Variants in PURG observed in about 807,000 individuals in gnomAD.
PURG encodes the protein purine-rich element-binding protein gamma.
In PURG, 3 loss-of-function variants were observed where a neutral mutation model predicts 24.3. The ratio of observed to expected loss-of-function variants is 0.12; its 90% CI spans 0.06 to 0.32. PURG has a LOEUF of 0.32. Among genes scored for constraint, PURG ranks in the 10% least tolerant of loss-of-function variants. The pLI, the probability that PURG is intolerant of heterozygous loss-of-function variation, is 1.00. For missense variants in PURG, 371 were observed against 439.1 expected (o/e 0.84, Z 1.39); for synonymous variants, 180 against 173.1 (o/e 1.04, Z -0.31).
intron 1 of PURG, among the ~76,000 whole-genome samples, chr8:31,004,183 T>G (rs1251017536): frequency 6.6e-6 from 1 of 152,156 alleles, no homozygotes; most frequent in Non-Finnish European, 1.5e-5. Context: ...AGAAGAAAAA[T>G]GCAATCTGGA....
rs1407873553 is a variant in PURG, at chr8:31,031,751, T to C, written c.1032A>G (p.Glu344=). ...GTTCAATTTCACTCTAGTCGAGGCA[T>C]TCTTGTTCTTCACCACTGGCCTTTC... ...DGRKASGEEQ[E]CLD is the part of the protein sequence containing the mutation. The change falls in exon 2 of 2, where the codon GAA becomes GAG. Residue 344 remains glutamate, a synonymous_variant. Transcript: ENST00000523392. The C allele has an allele frequency of 3.2e-6, 5 of 1,549,414 alleles. No homozygotes were observed. In the South Asian group the frequency reaches 3.6e-5, roughly 11 times the overall value.
At chr8:31,005,763 TC>T (rs1810632708) in intron 1 of PURG, among the ~76,000 whole-genome samples, 1 of 80,832 alleles carries the variant, frequency 1.2e-5, no homozygotes, top group Non-Finnish European at 2.5e-5. Context: ...TTAGCATTTT[TC>T]TTTTTTCTTT....
At chr8:31,015,649 C>T (rs1332903655) in intron 1 of PURG, among the ~76,000 whole-genome samples, 1 of 152,088 alleles carries the variant, frequency 6.6e-6, no homozygotes, top group Non-Finnish European at 1.5e-5. Context: ...GTTTAGGAGG[C>T]GGGTGAGAAA....
At chr8:31,019,640 CTT>C (rs1563308200) in intron 1 of PURG, among the ~76,000 whole-genome samples, 1 of 150,272 alleles carries the variant, frequency 6.7e-6, no homozygotes, top group Non-Finnish European at 1.5e-5. Flanking sequence ...GCCAATATCT[CTT>C]TTTTCTTTTT....
rs535054008 is a variant in PURG at position 30,997,597 on chromosome 8, G to C, written c.865-900C>G. Among the ~76,000 whole-genome samples, 8 of 151,596 alleles carry C rather than the reference G, an allele frequency of 5.3e-5. No individual in the cohort carries two copies. In the East Asian group the frequency reaches 5.8e-4, roughly 11 times the overall value. ...TAGAGATGGAAAAATGGCCACCACA[G>C]AGAATGACTTAAAGATAAGTAAACT... On this transcript the variant is annotated intron_variant, in intron 1 of 1. Transcript: ENST00000339382.
intron 1 of PURG, among the ~76,000 whole-genome samples, chr8:31,001,385 AT>A (rs1810532625): frequency 6.6e-6 from 1 of 152,218 alleles, no homozygotes; most frequent in African/African-American, 2.4e-5. Flanking sequence ...ACAACTAATT[AT>A]AACAGTTATT....
chr8:31,003,209 T>C (rs962914273), intron 1 of PURG, among the ~76,000 whole-genome samples: 6 of 152,142 alleles, frequency 3.9e-5, no homozygotes, highest in Non-Finnish European at 8.8e-5. Flanking sequence ...TAAAACAACT[T>C]AGGAACCTGA....
intron 1 of PURG, among the ~76,000 whole-genome samples, chr8:31,000,745 T>C (rs1810521691): frequency 6.6e-6 from 1 of 152,214 alleles, no homozygotes; most frequent in Non-Finnish European, 1.5e-5. Context: ...AGAATGACTA[T>C]ATAGAAGCAT....
chr8:31,023,290 GA>G (rs1196337806), intron 1 of PURG, among the ~76,000 whole-genome samples: 1 of 152,144 alleles, frequency 6.6e-6, no homozygotes, highest in Non-Finnish European at 1.5e-5. Context: ...TTCCGTAATG[GA>G]ATTTATGTGC....
intron 1 of PURG, among the ~76,000 whole-genome samples, chr8:31,002,019 C>T (rs1025385798): frequency 6.6e-6 from 1 of 152,188 alleles, no homozygotes; most frequent in African/African-American, 2.4e-5. Context: ...TTCTGGTAGA[C>T]TATTCTTTTC....
Position 31,032,342 on chromosome 8 carries a change from T to C in PURG, c.441A>G (p.Arg147=). ...EHGHSKEQGS[R]RRQKHSAPSP... ...AGGGTGCCGAGTGCTTCTGCCTCCTTCTGGAGCCTTGCTCTTTGCTGTGGC... is the reference window on the plus strand; with the variant it reads ...AGGGTGCCGAGTGCTTCTGCCTCCTCCTGGAGCCTTGCTCTTTGCTGTGGC... The change falls in exon 2 of 2, where the codon AGA becomes AGG. Residue 147 remains arginine (R), a synonymous_variant. Coordinates refer to ENST00000523392, the MANE Select transcript of PURG (RefSeq NM_001323311.2). The surrounding 1 kb of genome is among the most constrained non-coding windows in gnomAD (Gnocchi z 5.9). The C allele has an allele frequency of 6.2e-7, 1 of 1,612,868 alleles. No individual in the cohort carries two copies. Among genetic ancestry groups the C allele is most frequent in the South Asian group, 1.1e-5 (1 of 91,068 alleles).
At chr8:31,022,029 G>A (rs984780377) in intron 1 of PURG, among the ~76,000 whole-genome samples, 3 of 148,780 alleles carry the variant, frequency 2.0e-5, no homozygotes, top group African/African-American at 7.5e-5. Context: ...GGAGTGCAGT[G>A]GTGCCATCTC....
chr8:31,016,590 A>C (rs1325386717), intron 1 of PURG, among the ~76,000 whole-genome samples: 17 of 142,162 alleles, frequency 1.2e-4, no homozygotes, highest in East Asian at 4.2e-4. Context: ...CCAAAAAAAA[A>C]AAAAAAAAAA....
chr8:31,033,353 G>A lies in PURG; in HGVS notation c.-282C>T, dbSNP rs2129869644. 1 of 156,278 alleles carries A rather than the reference G, an allele frequency of 6.4e-6. No individual in the cohort carries two copies. Among genetic ancestry groups the A allele is most frequent in the Middle Eastern group, 3.3e-3 (1 of 304 alleles). The allele number at this position is 156,278 out of a possible 1,614,324, so 9.7% of individuals were successfully genotyped here. ...CAGGAGGGGAGGGAAGGGGAGGCGGGGAGAGCGACGGCGGGGGGCGGGCGG... is the reference window on the plus strand; with the variant it reads ...CAGGAGGGGAGGGAAGGGGAGGCGGAGAGAGCGACGGCGGGGGGCGGGCGG... On this transcript the variant is annotated 5_prime_UTR_variant, in exon 1 of 2. Transcript: ENST00000523392.
chr8:31,025,362 AAT>A (rs1230586102), intron 1 of PURG, among the ~76,000 whole-genome samples: 2 of 151,976 alleles, frequency 1.3e-5, no homozygotes, highest in Non-Finnish European at 2.9e-5. Context: ...ATGCTTTTAA[AAT>A]ATGTTTAAGA....
chr8:31,014,015 TC>T (rs1563306351), intron 1 of PURG, among the ~76,000 whole-genome samples: 1 of 152,080 alleles, frequency 6.6e-6, no homozygotes, highest in Non-Finnish European at 1.5e-5. Context: ...GTATTTTTTC[TC>T]CCAGAAAATA....
intron 1 of PURG, among the ~76,000 whole-genome samples, chr8:31,009,981 C>T (rs995189030): frequency 5.9e-5 from 9 of 152,084 alleles, no homozygotes; most frequent in Non-Finnish European, 7.3e-5. Flanking sequence ...CCTGTAGTAC[C>T]AGCTACTCAG....
chr8:31,032,772 G>T lies in PURG; in HGVS notation c.11C>A (p.Ala4Asp). Reference protein sequence around the residue: MERARRRGGGGGRG... With the variant: MERDRRRGGGGGRG... ...GCCGCCGCCGCCTCCCCTTCGCCTGGCTCTTTCCATCTTCAGCTGCAAGTA... is the reference window on the plus strand; with the variant it reads ...GCCGCCGCCGCCTCCCCTTCGCCTGTCTCTTTCCATCTTCAGCTGCAAGTA... The change falls in exon 2 of 2, where the codon GCC becomes GAC. Residue 4 changes from alanine (A) to aspartate (D), a missense_variant. Physicochemically the swap from Ala to Asp is moderately radical, Grantham distance 126 (BLOSUM62 -2). This residue lies in a region of PURG where 213 missense variants were observed against 230.6 expected (regional missense o/e 0.92). Transcript: ENST00000523392. This position sits in a 1 kb window ranked among gnomAD's most constrained non-coding sequence, Gnocchi z 5.9. The T allele has an allele frequency of 7.0e-7, 1 of 1,427,632 alleles. No individual in the cohort carries two copies. 88.4% of individuals were successfully genotyped at this position (1,427,632 alleles called of 1,614,324 possible).
chr8:31,029,734 G>C (rs572336054), downstream of PURG, among the ~76,000 whole-genome samples: 3 of 152,002 alleles, frequency 2.0e-5, no homozygotes, highest in East Asian at 3.9e-4. Flanking sequence ...TAGGCACTAT[G>C]ATGGGCAGCA....
Sources: allele counts gnomAD v4.1 joint callset (sites outside exome capture counted in the v4.1 genomes callset), GRCh38; gene constraint gnomAD v4.1.1; regional missense constraint gnomAD v4.1.1; non-coding constraint Gnocchi (gnomAD v3.1); transcripts MANE v1.5; gene names NCBI Gene and HGNC (gene_info 2026-07-23, HGNC 2026-07-21).